TAFA1: variants seen among roughly 807,000 people sequenced by gnomAD.
TAFA1 encodes chemokine-like protein TAFA-1.
In TAFA1, 4 loss-of-function variants were observed where a neutral mutation model predicts 18.5. The ratio of observed to expected loss-of-function variants is 0.22; its 90% CI spans 0.11 to 0.49. The LOEUF is 0.49. TAFA1 is among the 20% of genes least tolerant of loss of function. TAFA1 has a pLI of 0.98. For synonymous variants in TAFA1, 56 were observed against 55.2 expected (o/e 1.01, Z -0.06); for missense variants, 147 against 169.0 (o/e 0.87, Z 0.72).
chr3:68,443,658 A>G (rs569892788), intron 3 of TAFA1, among the ~76,000 whole-genome samples: 1 of 152,144 alleles, frequency 6.6e-6, no homozygotes, highest in Admixed American at 6.5e-5. Context: ...AGGCTCATTC[A>G]CTATCACAAG....
intron 2 of TAFA1, among the ~76,000 whole-genome samples, chr3:68,098,588 C>CAAAAG (rs1176819926): frequency 6.6e-6 from 1 of 151,838 alleles, no homozygotes; most frequent in East Asian, 1.9e-4. Context: ...CTTGGAGGAG[C>CAAAAG]AAAAGATAGG....
chr3:67,995,948 G>A, the TAFA1 span, among the ~76,000 whole-genome samples: 321 of 152,264 alleles, frequency 2.1e-3, 1 homozygote, highest in African/African-American at 5.3e-3. Flanking sequence ...TCATTCATTC[G>A]CACATTCATG....
intron 2 of TAFA1, among the ~76,000 whole-genome samples, chr3:68,401,303 G>C (rs1351539348): frequency 6.6e-6 from 1 of 152,110 alleles, no homozygotes; most frequent in Non-Finnish European, 1.5e-5. Flanking sequence ...AGTTCTTCTT[G>C]TAACAAATCC....
At chr3:68,098,598 G>A (rs552943754) in intron 2 of TAFA1, among the ~76,000 whole-genome samples, 177 of 152,184 alleles carry the variant, frequency 1.2e-3, no homozygotes, top group Non-Finnish European at 1.9e-3. Context: ...CAAAAGATAG[G>A]GTGGTGGGCA....
intron 2 of TAFA1, among the ~76,000 whole-genome samples, chr3:68,310,727 G>A (rs2068500798): frequency 6.6e-6 from 1 of 152,058 alleles, no homozygotes; most frequent in African/African-American, 2.4e-5. Context: ...AAATAATCAT[G>A]CTGTTTATAT....
At chr3:68,529,941 C>T (rs2073167549) in intron 3 of TAFA1, among the ~76,000 whole-genome samples, 1 of 152,130 alleles carries the variant, frequency 6.6e-6, no homozygotes, top group African/African-American at 2.4e-5. Context: ...TCCTTTTATT[C>T]CCCAACCTGA....
chr3:68,124,260 A>G (rs1252257015), intron 2 of TAFA1, among the ~76,000 whole-genome samples: 2 of 152,094 alleles, frequency 1.3e-5, no homozygotes, highest in Non-Finnish European at 2.9e-5. Flanking sequence ...AGCTTCTTCT[A>G]TTTTCTTTCT....
At chr3:68,145,749 T>G (rs1324686150) in intron 2 of TAFA1, 4 of 617,718 alleles carry the variant, frequency 6.5e-6, no homozygotes, top group African/African-American at 5.6e-5. Context: ...CATTCCTTAC[T>G]ATGTGATAAA....
At chr3:68,484,001 C>T (rs918323266) in intron 3 of TAFA1, among the ~76,000 whole-genome samples, 1 of 152,156 alleles carries the variant, frequency 6.6e-6, no homozygotes, top group Non-Finnish European at 1.5e-5. Flanking sequence ...TGTCCAATGA[C>T]AATACAATGT....
chr3:68,150,424 G>A (rs1345742752), intron 2 of TAFA1, among the ~76,000 whole-genome samples: 1 of 152,164 alleles, frequency 6.6e-6, no homozygotes, highest in Non-Finnish European at 1.5e-5. Flanking sequence ...ATCAGCCAAA[G>A]CCCAGGGCAG....
At chr3:68,408,492 A>T (rs958443055) in intron 2 of TAFA1, among the ~76,000 whole-genome samples, 5 of 152,168 alleles carry the variant, frequency 3.3e-5, no homozygotes, top group African/African-American at 1.2e-4. Flanking sequence ...GAACATATCC[A>T]CATAATGGAT....
At chr3:68,391,251 A>G (rs1423628656) in intron 2 of TAFA1, among the ~76,000 whole-genome samples, 1 of 152,134 alleles carries the variant, frequency 6.6e-6, no homozygotes, top group Non-Finnish European at 1.5e-5. Flanking sequence ...CAAGTAGAAG[A>G]AAGGATATTA....
At chr3:68,405,699 CAAAAAAAAAA>C (rs56258198) in intron 2 of TAFA1, among the ~76,000 whole-genome samples, 3 of 32,846 alleles carry the variant, frequency 9.1e-5, no homozygotes, top group East Asian at 6.1e-4. Context: ...GACTCTATCT[CAAAAAAAAAA>C]AAAAAAAAAA....
intron 2 of TAFA1, among the ~76,000 whole-genome samples, chr3:68,013,146 T>A (rs1311930296): frequency 6.6e-6 from 1 of 152,170 alleles, no homozygotes; most frequent in Non-Finnish European, 1.5e-5. Flanking sequence ...AGTTGACACA[T>A]ACTAGGTTCT....
intron 2 of TAFA1, among the ~76,000 whole-genome samples, chr3:68,066,949 G>T (rs1467034834): frequency 6.6e-6 from 1 of 151,990 alleles, no homozygotes; most frequent in Non-Finnish European, 1.5e-5. Context: ...GGTTTTTAGG[G>T]GCAATTAAAT....
intron 2 of TAFA1, among the ~76,000 whole-genome samples, chr3:68,235,660 AGAT>A (rs1480981455): frequency 1.4e-4 from 22 of 152,218 alleles, no homozygotes; most frequent in African/African-American, 5.1e-4. Flanking sequence ...AATGCTCTGT[AGAT>A]CAAGTATGGC....
intron 2 of TAFA1, among the ~76,000 whole-genome samples, chr3:68,374,780 G>T (rs1031136572): frequency 1.3e-5 from 2 of 152,092 alleles, no homozygotes; most frequent in African/African-American, 4.8e-5. Context: ...ATGCTTTCTT[G>T]TGAGATGAAT....
Position 68,441,925 on chromosome 3 carries a change from G to A in TAFA1, c.259+24505G>A, listed in dbSNP as rs561352954. Among the ~76,000 whole-genome samples, 7 of 152,318 alleles carry A rather than the reference G, an allele frequency of 4.6e-5. No homozygotes were observed. The South Asian group carries it at 1.2e-3, about 27-fold the overall frequency. ...TTCCCAGTGGGCAGAACTTTGAGCA[G>A]TGTACCTGGCTGTGCACTTTACATG... On this transcript the variant is annotated intron_variant, in intron 3 of 4. Coordinates refer to ENST00000478136, the MANE Select transcript of TAFA1 (RefSeq NM_213609.4).
chr3:68,321,154 G>T (rs1449019162), intron 2 of TAFA1, among the ~76,000 whole-genome samples: 1 of 152,254 alleles, frequency 6.6e-6, no homozygotes, highest in Non-Finnish European at 1.5e-5. Context: ...GGATAAATAT[G>T]GCCTGCTTCC....
Sources: gnomAD v4.1 joint callset for allele counts (sites outside exome capture counted in the v4.1 genomes callset) on GRCh38, gnomAD v4.1.1 for gene constraint, MANE v1.5 for transcripts, NCBI Gene and HGNC (gene_info 2026-07-23, HGNC 2026-07-21) for gene names.